SEMA6A: variants seen among roughly 807,000 people sequenced by gnomAD.
The protein encoded by SEMA6A is semaphorin 6A.
SEMA6A carries 25 observed loss-of-function variants against 96.8 expected under a neutral mutation model. That is an observed-to-expected ratio of 0.26 (90% CI 0.19 to 0.36). The LOEUF (loss-of-function observed/expected upper bound fraction) is 0.36. SEMA6A is among the 10% of genes least tolerant of loss of function. SEMA6A has a pLI of 1.00. For missense variants in SEMA6A, 1,363 were observed against 1,323.1 expected (o/e 1.03, Z -0.47); for synonymous variants, 612 against 518.0 (o/e 1.18, Z -2.46).
intron 1 of SEMA6A, among the ~76,000 whole-genome samples, chr5:116,539,994 C>T (rs1759889405): frequency 6.6e-6 from 1 of 152,080 alleles, no homozygotes; most frequent in Non-Finnish European, 1.5e-5. Flanking sequence ...TTTCTCATCT[C>T]ACTATTTTCT....
chr5:116,482,287 T>C (rs995230271), intron 11 of SEMA6A, among the ~76,000 whole-genome samples, 157 bp downstream of exon 11: 5 of 152,130 alleles, frequency 3.3e-5, no homozygotes, highest in Admixed American at 6.5e-5. Flanking sequence ...TTTGAGTATA[T>C]GAGAAGGTAA....
chr5:116,541,828 A>C (rs951507864), intron 1 of SEMA6A, among the ~76,000 whole-genome samples: 10 of 151,974 alleles, frequency 6.6e-5, no homozygotes, highest in African/African-American at 2.4e-4. Flanking sequence ...ATGGGACTCC[A>C]TCTCAAAACA....
At chr5:116,501,127 G>T (rs1355420552) in intron 3 of SEMA6A, among the ~76,000 whole-genome samples, 4 of 152,152 alleles carry the variant, frequency 2.6e-5, no homozygotes, top group Non-Finnish European at 5.9e-5. Flanking sequence ...TGTTCATTTG[G>T]AATTATTTTG....
chr5:116,482,253 A>C (rs1756817801), intron 11 of SEMA6A, among the ~76,000 whole-genome samples, 191 bp downstream of exon 11: 1 of 152,188 alleles, frequency 6.6e-6, no homozygotes, highest in Non-Finnish European at 1.5e-5. Context: ...ATGGAGGTTA[A>C]GCAGAAGACT....
intron 18 of SEMA6A, among the ~76,000 whole-genome samples, chr5:116,451,852 TAAGAA>T (rs988946096): frequency 2.0e-5 from 3 of 150,736 alleles, no homozygotes; most frequent in Non-Finnish European, 4.4e-5. Flanking sequence ...CTCAAAACAA[TAAGAA>T]GAGAAACTAT....
At position 116,505,023 on chromosome 5, in the gene SEMA6A, T is replaced by C. The variant is rs147583640; in HGVS notation, c.-38-41A>G. ...GAACAGATTTTTTTCCAAGTCAGCT[T>C]TGTTCAATGCCATAAAATGAAATAC... On this transcript the variant is annotated intron_variant, in intron 1 of 18. Transcript: ENST00000343348. 120 of 938,060 alleles carry C rather than the reference T, an allele frequency of 1.3e-4. No individual in the cohort carries two copies. In the African/African-American group the frequency reaches 1.8e-3, roughly 14 times the overall value. 58.1% of individuals were successfully genotyped at this position (938,060 alleles called of 1,614,324 possible). A position where few individuals can be genotyped will look rare whatever the true frequency, so the allele number is the denominator to read the frequency against.
chr5:116,481,657 G>C (rs1756779163), intron 11 of SEMA6A, among the ~76,000 whole-genome samples: 1 of 152,162 alleles, frequency 6.6e-6, no homozygotes, highest in Admixed American at 6.6e-5. Flanking sequence ...ACCATGGGTT[G>C]TTTCTATGAA....
At chr5:116,541,291 G>C (rs79826859) in intron 1 of SEMA6A, among the ~76,000 whole-genome samples, 1,607 of 152,222 alleles carry the variant, frequency 0.011, 34 homozygotes, top group African/African-American at 0.037. Context: ...AACCTACTGT[G>C]TCAGTTTTCA....
intron 1 of SEMA6A, among the ~76,000 whole-genome samples, chr5:116,507,288 C>T (rs1326268314): frequency 6.6e-6 from 1 of 152,188 alleles, no homozygotes; most frequent in African/African-American, 2.4e-5. Flanking sequence ...TTAAAATTTT[C>T]TTCAGTTGAA....
chr5:116,452,821 T>A (rs1390192442), intron 18 of SEMA6A, among the ~76,000 whole-genome samples: 1 of 152,236 alleles, frequency 6.6e-6, no homozygotes, highest in Non-Finnish European at 1.5e-5. Context: ...TCTCCTAGTA[T>A]AACAAGGTTT....
At chr5:116,448,985 A>G (rs1364083801) in intron 18 of SEMA6A, among the ~76,000 whole-genome samples, 1 of 152,192 alleles carries the variant, frequency 6.6e-6, no homozygotes, top group African/African-American at 2.4e-5. Flanking sequence ...TTATGTGACT[A>G]CACCCATCCG....
At chr5:116,539,228 G>A (rs1158942158) in intron 1 of SEMA6A, among the ~76,000 whole-genome samples, 5 of 152,090 alleles carry the variant, frequency 3.3e-5, no homozygotes, top group Admixed American at 2.6e-4. Context: ...AGCTTTATAC[G>A]GTGGTCCTGC....
intron 18 of SEMA6A, among the ~76,000 whole-genome samples, chr5:116,463,439 T>C (rs997563435): frequency 2.0e-5 from 3 of 152,228 alleles, no homozygotes; most frequent in African/African-American, 7.2e-5. Context: ...CATTTAGGAT[T>C]GTGAGATGTG....
Position 116,446,922 on chromosome 5 carries a change from G to A in SEMA6A, c.2784C>T (p.Ser928=), listed in dbSNP as rs771244060. 10 of 1,613,856 alleles carry A rather than the reference G, an allele frequency of 6.2e-6. No individual in the cohort carries two copies. The highest frequency in any genetic ancestry group is 4.4e-5 in the South Asian group (4 of 91,080). ...TTCTTTTGAGAGTGGTGGCCTGGTGGCTTCTCGTGAGCGAGTTCGTGGGGT... is the reference window on the plus strand; with the variant it reads ...TTCTTTTGAGAGTGGTGGCCTGGTGACTTCTCGTGAGCGAGTTCGTGGGGT... The part of the protein sequence containing the change: ...RSYPTNSLTR[S]HQATTLKRNN... Residue 928 remains serine (S), a synonymous_variant, in exon 19 of 19, where the codon AGC becomes AGT. Transcript: ENST00000343348.
At chr5:116,539,522 G>A (rs1273358420) in intron 1 of SEMA6A, among the ~76,000 whole-genome samples, 5 of 152,110 alleles carry the variant, frequency 3.3e-5, no homozygotes, top group African/African-American at 1.2e-4. Context: ...GTACTCCTGA[G>A]AAATGGCTCC....
chr5:116,568,065 CATA>C (rs1296170252), intron 1 of SEMA6A, among the ~76,000 whole-genome samples: 2 of 152,242 alleles, frequency 1.3e-5, no homozygotes, highest in African/African-American at 2.4e-5. Flanking sequence ...TATTTAGTTG[CATA>C]ATGTGATTTA....
intron 1 of SEMA6A, chr5:116,536,189 C>G (rs1759697281): frequency 1.3e-5 from 2 of 152,126 alleles, no homozygotes; most frequent in Non-Finnish European, 1.5e-5. Flanking sequence ...CCGCCACCCT[C>G]AACCCCATTC....
intron 13 of SEMA6A, 187 bp downstream of exon 13, chr5:116,478,355 T>A: frequency 1.3e-6 from 1 of 770,966 alleles, no homozygotes. Context: ...TATGTATCTA[T>A]ATAAACACAC....
chr5:116,487,087 ATC>A, intron 9 of SEMA6A, 121 bp from the exon 10 acceptor site: 1 of 652,188 alleles, frequency 1.5e-6, no homozygotes, highest in South Asian at 2.0e-5. Flanking sequence ...TGTTTCTAAA[ATC>A]AGTAACAAAA....
Sources: gnomAD v4.1 joint callset for allele counts (sites outside exome capture counted in the v4.1 genomes callset) on GRCh38, gnomAD v4.1.1 for gene constraint, MANE v1.5 for transcripts, NCBI Gene and HGNC (gene_info 2026-07-23, HGNC 2026-07-21) for gene names.